The following LRRFIP2 variants were observed in gnomAD, a reference collection of about 807,000 sequenced individuals.
LRRFIP2 encodes the protein LRR binding FLII interacting protein 2, also known as leucine-rich repeat flightless-interacting protein 2.
Under a neutral mutation model 125.9 loss-of-function variants are expected in LRRFIP2, and 109 were observed. The observed-to-expected ratio is 0.87, with a 90% CI of 0.74 to 1.01. The LOEUF (loss-of-function observed/expected upper bound fraction) is 1.01. Among genes scored for constraint, LRRFIP2 ranks in the 50% least tolerant of loss-of-function variants. The probability of loss-of-function intolerance (pLI) is 0.00; values close to 1 mark genes in which losing one functional copy is unlikely to be tolerated. For synonymous variants in LRRFIP2, 291 were observed against 293.1 expected, an observed-to-expected ratio of 0.99 and a Z score of 0.07; for missense variants, 850 against 862.3, an observed-to-expected ratio of 0.99 and a Z score of 0.18.
At chr3:37,123,480 T>C (rs1277631806) in intron 4 of LRRFIP2, among the ~76,000 whole-genome samples, 1 of 152,198 alleles carries the variant, frequency 6.6e-6, no homozygotes, top group African/African-American at 2.4e-5. Flanking sequence ...TGAGCCACCA[T>C]GCCTGGCCAC....
At chr3:37,162,969 G>A (rs1291499484) in intron 1 of LRRFIP2, among the ~76,000 whole-genome samples, 2 of 152,206 alleles carry the variant, frequency 1.3e-5, no homozygotes, top group East Asian at 3.9e-4. Flanking sequence ...GAGCTAAAGC[G>A]TGATAAGCTT....
At chr3:37,091,663 A>G (rs1023831651) in intron 17 of LRRFIP2, 125 bp from the exon 18 acceptor site, 4 of 674,954 alleles carry the variant, frequency 5.9e-6, no homozygotes, top group South Asian at 2.2e-5. Flanking sequence ...AAATCAAAGT[A>G]CAAAAACATA....
At chr3:37,120,388 A>G (rs2094976259) in intron 6 of LRRFIP2, among the ~76,000 whole-genome samples, 1 of 152,176 alleles carries the variant, frequency 6.6e-6, no homozygotes, top group Admixed American at 6.5e-5. Context: ...TACAGGTGTG[A>G]GCCACCGTGC....
In LRRFIP2 at chr3:37,075,056, CTTT is replaced by C; in HGVS notation, c.1336_1338del (p.Lys446del). On this transcript the variant is annotated inframe_deletion, in exon 20 of 28. Transcript: ENST00000336686. Reference sequence around the variant, plus strand: ...AGCTCATCTCTTTGCCGCAGGCCTTCTTTAAGTTCTTCCATCTTATGCTGCAGC... The same window carrying C: ...AGCTCATCTCTTTGCCGCAGGCCTTCAAGTTCTTCCATCTTATGCTGCAGC... 3.1e-6 allele frequency: 5 copies of C among 1,612,922 alleles called. No homozygotes were observed. Among genetic ancestry groups the C allele is most frequent in the Non-Finnish European group, 4.2e-6 (5 of 1,179,782 alleles).
chr3:37,145,144 C>G (rs1027093404), intron 2 of LRRFIP2, among the ~76,000 whole-genome samples: 2 of 152,128 alleles, frequency 1.3e-5, no homozygotes, highest in Non-Finnish European at 2.9e-5. Context: ...TGTTTAACCA[C>G]TTTAAGTTTT....
chr3:37,109,451 G>A (rs2094469236), intron 11 of LRRFIP2, 76 bp downstream of exon 11: 1 of 1,489,666 alleles, frequency 6.7e-7, no homozygotes. Context: ...TTGGAGAAAA[G>A]CTGTCAAGCC....
intron 1 of LRRFIP2, among the ~76,000 whole-genome samples, chr3:37,152,069 G>T (rs557648242): frequency 1.3e-5 from 2 of 152,190 alleles, no homozygotes; most frequent in East Asian, 3.9e-4. Context: ...AAACACAAGT[G>T]CTCATCAACC....
At chr3:37,065,504 G>A in intron 23 of LRRFIP2, 1 of 512,450 alleles carries the variant, frequency 2.0e-6, no homozygotes, top group Non-Finnish European at 3.8e-6. Flanking sequence ...CCCTAGCACA[G>A]GTATACTAGA....
At chr3:37,081,345 A>G (rs1036193065) in intron 19 of LRRFIP2, among the ~76,000 whole-genome samples, 2 of 152,196 alleles carry the variant, frequency 1.3e-5, no homozygotes, top group African/African-American at 2.4e-5. Context: ...TTAATACTGT[A>G]TAATTATTAT....
At chr3:37,092,844 TA>T (rs2093526321) in intron 17 of LRRFIP2, among the ~76,000 whole-genome samples, 2 of 146,706 alleles carry the variant, frequency 1.4e-5, no homozygotes, top group Admixed American at 6.8e-5. Flanking sequence ...ACCGACAATT[TA>T]TTTTTTTTTT....
At chr3:37,138,371 T>C (rs1047449209) in intron 2 of LRRFIP2, among the ~76,000 whole-genome samples, 4 of 152,168 alleles carry the variant, frequency 2.6e-5, no homozygotes, top group African/African-American at 7.2e-5. Context: ...GGTCTACAAG[T>C]AGGAGGAACC....
intron 18 of LRRFIP2, among the ~76,000 whole-genome samples, chr3:37,090,006 T>C (rs1293656293): frequency 1.3e-5 from 2 of 152,200 alleles, no homozygotes; most frequent in Non-Finnish European, 2.9e-5. Flanking sequence ...ACTTCTCACC[T>C]TTTTGGGTCC....
At chr3:37,165,836 A>C (rs954279328) in intron 1 of LRRFIP2, among the ~76,000 whole-genome samples, 4 of 150,472 alleles carry the variant, frequency 2.7e-5, no homozygotes, top group African/African-American at 9.8e-5. Context: ...AAAGAAAGAA[A>C]GAAAGAAAGA....
chr3:37,091,453 A>C lies in LRRFIP2; in HGVS notation c.1107+14T>G. 6.2e-7 allele frequency: 1 copy of C among 1,600,952 alleles called. No individual in the cohort carries two copies. ...ATACAGAGCATGCTTGGGCTGCAGAATGGGCCCTGATACCTTTAGTTCTTT... is the reference window on the plus strand; with the variant it reads ...ATACAGAGCATGCTTGGGCTGCAGACTGGGCCCTGATACCTTTAGTTCTTT... On this transcript the variant is annotated intron_variant, in intron 18 of 27. Coordinates refer to ENST00000336686, the MANE Select transcript of LRRFIP2 (RefSeq NM_006309.4).
chr3:37,100,396 ATGTG>A (rs751420835), intron 15 of LRRFIP2, among the ~76,000 whole-genome samples: 1 of 151,724 alleles, frequency 6.6e-6, no homozygotes, highest in African/African-American at 2.4e-5. Flanking sequence ...ACATACATAC[ATGTG>A]TATGTATATA....
intron 8 of LRRFIP2, among the ~76,000 whole-genome samples, 187 bp downstream of exon 8, chr3:37,112,728 T>C (rs1204774741): frequency 6.6e-6 from 1 of 152,256 alleles, no homozygotes; most frequent in Non-Finnish European, 1.5e-5. Flanking sequence ...CTCTGGCTGC[T>C]AGGGTTTGCA....
rs747386304 is a variant in LRRFIP2, at chr3:37,129,094, C to T, written c.146G>A (p.Arg49His). ...TTGTTGTCGTTCCAGTTCTCTCATGCGTATATCTCTTGCTTCTGCCCGGGC... is the reference window on the plus strand; with the variant it reads ...TTGTTGTCGTTCCAGTTCTCTCATGTGTATATCTCTTGCTTCTGCCCGGGC... The part of the protein sequence containing the change: ...RAARAEARDI[R>H]MRELERQQKE... The change falls in exon 3 of 28, where the codon CGC (arginine) becomes CAC (histidine). Residue 49 changes from arginine to histidine, a missense_variant. Transcript: ENST00000336686. 1.2e-5 allele frequency: 19 copies of T among 1,614,088 alleles called. No individual in the cohort carries two copies. In the East Asian group the frequency reaches 1.6e-4, roughly 13 times the overall value.
At chr3:37,077,627 A>G (rs1221285975) in intron 19 of LRRFIP2, among the ~76,000 whole-genome samples, 1 of 152,236 alleles carries the variant, frequency 6.6e-6, no homozygotes, top group Non-Finnish European at 1.5e-5. Context: ...AGACAGGGAT[A>G]GAAGATTAAC....
intron 21 of LRRFIP2, chr3:37,067,208 T>C (rs192249608): frequency 1.8e-4 from 27 of 152,350 alleles, no homozygotes; most frequent in African/African-American, 6.5e-4. Context: ...GAGAATCAGG[T>C]TGGTGATTTC....
Sources: allele counts gnomAD v4.1 joint callset (sites outside exome capture counted in the v4.1 genomes callset), GRCh38; gene constraint gnomAD v4.1.1; transcripts MANE v1.5; gene names NCBI Gene and HGNC (gene_info 2026-07-23, HGNC 2026-07-21).